RANBP17: variants seen among roughly 807,000 people sequenced by gnomAD.
The protein encoded by RANBP17 is RAN binding protein 17, also known as ran-binding protein 17.
Under a neutral mutation model 141.2 loss-of-function variants are expected in RANBP17, and 158 were observed. The ratio of observed to expected loss-of-function variants is 1.12; its 90% CI spans 0.98 to 1.28. The LOEUF (loss-of-function observed/expected upper bound fraction) is 1.28, where lower values mean the gene tolerates loss of function less well. Ranked by LOEUF, RANBP17 falls within the 50% of genes most tolerant of loss-of-function variation. The probability of loss-of-function intolerance (pLI) is 0.00; values close to 1 mark genes in which losing one functional copy is unlikely to be tolerated. For synonymous variants in RANBP17, 430 were observed against 450.0 expected (o/e 0.96, Z 0.56); for missense variants, 1,438 against 1,290.7 (o/e 1.11, Z -1.75).
At chr5:171,268,393 T>C (rs1766873886) in intron 25 of RANBP17, among the ~76,000 whole-genome samples, 1 of 152,042 alleles carries the variant, frequency 6.6e-6, no homozygotes. Context: ...AGTGGTAGAG[T>C]TGGAATTTGA....
In RANBP17 at chr5:170,927,568, G is replaced by A. The variant is rs985781298; in HGVS notation, c.1468+3018G>A. Among the ~76,000 whole-genome samples the A allele has an allele frequency of 2.6e-5, 4 of 151,576 alleles. 1 individual carries two copies. In the South Asian group the frequency reaches 8.4e-4, roughly 32 times the overall value. On this transcript the variant is annotated intron_variant, in intron 12 of 27. Transcript: ENST00000523189. ...TTTGCCATTTTTCTATTGGGTTGTT[G>A]GTCCTTTTTTTCTCCTTGATTTTTA... is the stretch of plus-strand genomic sequence containing the variant.
At chr5:171,159,035 C>G (rs977335036) in intron 14 of RANBP17, among the ~76,000 whole-genome samples, 2 of 152,152 alleles carry the variant, frequency 1.3e-5, no homozygotes, top group African/African-American at 4.8e-5. Flanking sequence ...TGCATTTAAC[C>G]ACTTTGCTGA....
At chr5:170,999,418 A>C (rs372333050) in intron 14 of RANBP17, among the ~76,000 whole-genome samples, 8 of 152,280 alleles carry the variant, frequency 5.3e-5, no homozygotes, top group African/African-American at 1.9e-4. Context: ...CATGTCCATT[A>C]ACTGAAACAT....
chr5:170,907,310 C>T (rs1481179491), intron 5 of RANBP17, among the ~76,000 whole-genome samples: 5 of 91,708 alleles, frequency 5.5e-5, no homozygotes, highest in African/African-American at 1.4e-4. Flanking sequence ...TGCAATCCTT[C>T]GTCTCAAAAT....
chr5:171,248,577 C>T (rs1472312685), intron 24 of RANBP17, among the ~76,000 whole-genome samples: 5 of 152,146 alleles, frequency 3.3e-5, no homozygotes, highest in Non-Finnish European at 7.4e-5. Flanking sequence ...CTTATGAACT[C>T]AACATTAACA....
intron 14 of RANBP17, among the ~76,000 whole-genome samples, chr5:171,062,720 G>T (rs1783982028): frequency 6.6e-6 from 1 of 152,268 alleles, no homozygotes; most frequent in African/African-American, 2.4e-5. Flanking sequence ...TTTCTAGATT[G>T]GGGAAGTTCT....
intron 18 of RANBP17, among the ~76,000 whole-genome samples, chr5:171,186,434 A>G (rs1761241549): frequency 6.6e-6 from 1 of 151,328 alleles, no homozygotes; most frequent in East Asian, 1.9e-4. Flanking sequence ...TTCTTCTGCA[A>G]CTTCCTCACC....
At chr5:171,184,556 A>G (rs2127923576) in intron 18 of RANBP17, among the ~76,000 whole-genome samples, 1 of 152,326 alleles carries the variant, frequency 6.6e-6, no homozygotes, top group Non-Finnish European at 1.5e-5. Flanking sequence ...GTAGATGGTG[A>G]CTATAGTTAA....
chr5:171,179,323 T>C (rs1362159038), intron 16 of RANBP17, among the ~76,000 whole-genome samples: 1 of 152,158 alleles, frequency 6.6e-6, no homozygotes, highest in Admixed American at 6.5e-5. Flanking sequence ...CCTATTCTTT[T>C]CTTTATATTT....
rs1346113486 is a variant in RANBP17, at chr5:171,089,431, C to G, written c.1711-80699C>G. On this transcript the variant is annotated intron_variant, in intron 14 of 27. Transcript: ENST00000523189. The stretch of plus-strand genomic sequence containing the variant: ...CTTTTTGTTTGTCTGTGCCCTGCCC[C>G]CAGAGGTGGAGCCTACAGAGGCAGG... 4.6e-5 allele frequency among the ~76,000 whole-genome samples: 7 copies of G among 152,046 alleles called. No homozygotes were observed. In the South Asian group the frequency reaches 1.0e-3, roughly 23 times the overall value.
intron 25 of RANBP17, among the ~76,000 whole-genome samples, chr5:171,288,894 A>T (rs1289533585): frequency 2.0e-5 from 3 of 152,220 alleles, no homozygotes; most frequent in East Asian, 3.9e-4. Flanking sequence ...CAGCAGTGGC[A>T]TGGAAGAGTT....
At chr5:171,275,073 A>T (rs1266660064) in intron 25 of RANBP17, among the ~76,000 whole-genome samples, 1 of 152,152 alleles carries the variant, frequency 6.6e-6, no homozygotes, top group Non-Finnish European at 1.5e-5. Context: ...ATTGAAAGGG[A>T]TGGAATCCAC....
chr5:170,893,871 A>G (rs1470120962), intron 4 of RANBP17, among the ~76,000 whole-genome samples: 5 of 151,908 alleles, frequency 3.3e-5, no homozygotes, highest in African/African-American at 9.7e-5. Flanking sequence ...TAGATGGTTC[A>G]GTTTTGGTTC....
chr5:171,011,503 G>GA (rs1390549816), intron 14 of RANBP17, among the ~76,000 whole-genome samples: 2 of 151,550 alleles, frequency 1.3e-5, no homozygotes, highest in African/African-American at 4.8e-5. Context: ...ACATATTTTG[G>GA]AAACTTTCAA....
Position 171,155,091 on chromosome 5 carries a change from A to AT in RANBP17, c.1711-15039_1711-15038insT, listed in dbSNP as rs1487089226. ...ATACTCCATCTAGAAAAAAAAAAAA[A>AT]AAAATATATATATATATATATATAT... is the stretch of plus-strand genomic sequence containing the variant. On this transcript the variant is annotated intron_variant, in intron 14 of 27. Coordinates refer to ENST00000523189, the MANE Select transcript of RANBP17 (RefSeq NM_022897.5). Among the ~76,000 whole-genome samples the AT allele has an allele frequency of 3.9e-3, 437 of 110,662 alleles. 1 individual carries two copies. Among genetic ancestry groups the AT allele is most frequent in the East Asian group, 0.033 (116 of 3,554 alleles). 72.6% of individuals were successfully genotyped at this position (110,662 alleles called of 152,430 possible).
chr5:171,193,902 G>T (rs1053631041), intron 18 of RANBP17, among the ~76,000 whole-genome samples: 1 of 152,124 alleles, frequency 6.6e-6, no homozygotes, highest in Non-Finnish European at 1.5e-5. Context: ...CAGGTTCCAA[G>T]AATTAGAACG....
chr5:171,258,118 TAC>T (rs34304503), intron 24 of RANBP17, among the ~76,000 whole-genome samples: 57,210 of 127,886 alleles, frequency 0.45, 12,416 homozygotes, highest in Middle Eastern at 0.58. Flanking sequence ...AAAAAAAAAA[TAC>T]ACACACACAC....
intron 22 of RANBP17, among the ~76,000 whole-genome samples, chr5:171,232,986 A>G (rs975847673): frequency 4.6e-5 from 7 of 152,186 alleles, no homozygotes; most frequent in African/African-American, 1.4e-4. Flanking sequence ...TAAGAACAGC[A>G]GTTGCTGTTC....
intron 2 of RANBP17, among the ~76,000 whole-genome samples, chr5:170,881,052 T>G (rs1768628108): frequency 3.3e-5 from 5 of 152,126 alleles, no homozygotes; most frequent in Admixed American, 2.6e-4. Flanking sequence ...TAATAAACTT[T>G]ATGGACACCA....
Sources: allele counts gnomAD v4.1 joint callset (sites outside exome capture counted in the v4.1 genomes callset), GRCh38; gene constraint gnomAD v4.1.1; transcripts MANE v1.5; gene names NCBI Gene and HGNC (gene_info 2026-07-23, HGNC 2026-07-21).